SCAMP1: variants seen among roughly 807,000 people sequenced by gnomAD.
SCAMP1 encodes secretory carrier-associated membrane protein 1.
SCAMP1 carries 15 observed loss-of-function variants against 41.8 expected under a neutral mutation model. That is an observed-to-expected ratio of 0.36 (90% confidence interval 0.24 to 0.55). The LOEUF (loss-of-function observed/expected upper bound fraction) is 0.55, where lower values mean the gene tolerates loss of function less well. Ranked by LOEUF, SCAMP1 falls within the 20% of genes least tolerant of loss-of-function variation. The pLI is 0.86. For synonymous variants in SCAMP1, 135 were observed against 136.8 expected, an observed-to-expected ratio of 0.99 and a Z score of 0.09; for missense variants, 341 against 412.6, an observed-to-expected ratio of 0.83 and a Z score of 1.50.
intron 8 of SCAMP1, among the ~76,000 whole-genome samples, chr5:78,461,935 C>G (rs549709787): frequency 6.6e-6 from 1 of 152,248 alleles, no homozygotes; most frequent in South Asian, 2.1e-4. Flanking sequence ...TATTCAGACT[C>G]TTTTTGGTTC....
chr5:78,397,858 ATT>A (rs1162985541), intron 2 of SCAMP1, among the ~76,000 whole-genome samples: 1 of 152,218 alleles, frequency 6.6e-6, no homozygotes, highest in Non-Finnish European at 1.5e-5. Context: ...AATGTTCAAC[ATT>A]GTTAGCTGTC....
rs764180379 is a variant in SCAMP1, at chr5:78,478,883, C to T, written c.*3215C>T. The T allele has an allele frequency of 6.6e-6, 1 of 151,978 alleles. No homozygotes were observed. The highest frequency in any genetic ancestry group is 1.5e-5 in the Non-Finnish European group (1 of 67,940). 9.4% of individuals were successfully genotyped at this position (151,978 alleles called of 1,614,324 possible). On this transcript the variant is annotated 3_prime_UTR_variant, in exon 9 of 9. Coordinates refer to ENST00000621999, the MANE Select transcript of SCAMP1 (RefSeq NM_004866.6). ...AAAAAGCAAGTTTGGATTTTTACAC[C>T]TAATTTACTAGGAAAATATTTTATT...
chr5:78,393,616 T>TG (rs1326970662), intron 2 of SCAMP1, among the ~76,000 whole-genome samples: 1 of 152,218 alleles, frequency 6.6e-6, no homozygotes, highest in Non-Finnish European at 1.5e-5. Context: ...TAGTCTGAAT[T>TG]GAGATGTACT....
intron 6 of SCAMP1, among the ~76,000 whole-genome samples, chr5:78,446,093 TAAAAC>T (rs1235455380): frequency 1.3e-5 from 2 of 152,240 alleles, no homozygotes; most frequent in Non-Finnish European, 2.9e-5. Context: ...TTATTTAAAA[TAAAAC>T]TAGACAAAAG....
At chr5:78,452,190 T>C (rs538873963) in intron 7 of SCAMP1, among the ~76,000 whole-genome samples, 1 of 152,116 alleles carries the variant, frequency 6.6e-6, no homozygotes, top group Non-Finnish European at 1.5e-5. Flanking sequence ...CTTTTCTTTT[T>C]TTTTTTATTA....
chr5:78,480,560 C>G lies in SCAMP1; in HGVS notation c.*4892C>G, dbSNP rs554510398. Among the ~76,000 whole-genome samples the G allele has an allele frequency of 6.6e-6, 1 of 152,288 alleles. No individual in the cohort carries two copies. Among genetic ancestry groups the G allele is most frequent in the Non-Finnish European group, 1.5e-5 (1 of 68,028 alleles). ...AACACCAAAAATCAGTGTCTTTTAT[C>G]TGGTGATCACTGTGGTATCTACAGT... is the stretch of plus-strand genomic sequence containing the variant. On this transcript the variant is annotated 3_prime_UTR_variant, in exon 9 of 9. Coordinates refer to ENST00000621999, the MANE Select transcript of SCAMP1 (RefSeq NM_004866.6).
intron 6 of SCAMP1, among the ~76,000 whole-genome samples, chr5:78,427,543 A>G (rs1483203334): frequency 3.9e-5 from 6 of 152,188 alleles, no homozygotes; most frequent in African/African-American, 7.2e-5. Flanking sequence ...TACCATAACA[A>G]TATTCCTAGG....
In SCAMP1 at chr5:78,360,649, G is replaced by A. The variant is rs766355895; in HGVS notation, c.-23G>A. 4 of 1,601,818 alleles carry A rather than the reference G, an allele frequency of 2.5e-6. No individual in the cohort carries two copies. The highest frequency in any genetic ancestry group is 2.6e-6 in the Non-Finnish European group (3 of 1,174,814). ...CTCTCTCTCTGCGCCTGGGTCGGGT[G>A]GGTGACGCCGAGAGCCAGAGAGATG... On this transcript the variant is annotated 5_prime_UTR_variant, in exon 1 of 9. Transcript: ENST00000621999.
intron 2 of SCAMP1, among the ~76,000 whole-genome samples, chr5:78,410,470 A>C (rs1752048093): frequency 6.6e-6 from 1 of 152,160 alleles, no homozygotes; most frequent in South Asian, 2.1e-4. Flanking sequence ...TGCTAAGGAC[A>C]TGATCACATT....
chr5:78,438,658 T>C (rs1316533146), intron 6 of SCAMP1, among the ~76,000 whole-genome samples: 2 of 152,354 alleles, frequency 1.3e-5, no homozygotes, highest in Admixed American at 1.3e-4. Flanking sequence ...TTAGAATATG[T>C]GCAATGTAGT....
At chr5:78,440,346 C>G (rs1752887555) in intron 6 of SCAMP1, among the ~76,000 whole-genome samples, 4 of 152,308 alleles carry the variant, frequency 2.6e-5, no homozygotes, top group Admixed American at 2.0e-4. Context: ...GTGGTTTTAT[C>G]TACCTTTGGT....
chr5:78,408,825 C>T (rs1308822851), intron 2 of SCAMP1, among the ~76,000 whole-genome samples: 1 of 152,092 alleles, frequency 6.6e-6, no homozygotes, highest in African/African-American at 2.4e-5. Context: ...GTCTCAATCT[C>T]CTGGCCTTGA....
At chr5:78,380,149 A>G (rs569560859) in intron 1 of SCAMP1, among the ~76,000 whole-genome samples, 13 of 152,352 alleles carry the variant, frequency 8.5e-5, no homozygotes, top group African/African-American at 3.1e-4. Context: ...CAACTGCATA[A>G]TGATACTCAG....
At position 78,466,097 on chromosome 5, in the gene SCAMP1, A is replaced by G. The variant is rs143031947; in HGVS notation, c.852+6735A>G. Reference sequence around the variant, plus strand: ...TTGGAGAATTCCTTTATTATTTCACATGTATTATTGAGGGTGTTTTATAGA... The same window carrying G: ...TTGGAGAATTCCTTTATTATTTCACGTGTATTATTGAGGGTGTTTTATAGA... On this transcript the variant is annotated intron_variant, in intron 8 of 8. Coordinates refer to ENST00000621999, the MANE Select transcript of SCAMP1 (RefSeq NM_004866.6). 3.3e-4 allele frequency among the ~76,000 whole-genome samples: 50 copies of G among 152,330 alleles called. 1 individual carries two copies. In the East Asian group the frequency reaches 9.2e-3, roughly 28 times the overall value.
chr5:78,378,383 C>A (rs1340639725), intron 1 of SCAMP1, among the ~76,000 whole-genome samples: 1 of 152,136 alleles, frequency 6.6e-6, no homozygotes, highest in African/African-American at 2.4e-5. Context: ...CAGGTGAAAG[C>A]ACTGTCTCCC....
At chr5:78,453,235 G>A (rs1753289229) in intron 7 of SCAMP1, among the ~76,000 whole-genome samples, 1 of 151,328 alleles carries the variant, frequency 6.6e-6, no homozygotes, top group African/African-American at 2.4e-5. Flanking sequence ...ATTGCTTTTG[G>A]TGTTTTGGAC....
chr5:78,461,415 C>T (rs778546124), intron 8 of SCAMP1, among the ~76,000 whole-genome samples: 5 of 152,142 alleles, frequency 3.3e-5, no homozygotes, highest in Non-Finnish European at 7.4e-5. Flanking sequence ...TACCCAGCAC[C>T]ATTTATTGAA....
chr5:78,388,389 T>C (rs187527860), intron 1 of SCAMP1, among the ~76,000 whole-genome samples: 431 of 152,368 alleles, frequency 2.8e-3, no homozygotes, highest in Non-Finnish European at 4.2e-3. Context: ...TTACTTAATA[T>C]TGAATGCTCT....
chr5:78,434,627 A>T (rs976925048), intron 6 of SCAMP1, among the ~76,000 whole-genome samples: 8 of 152,072 alleles, frequency 5.3e-5, no homozygotes, highest in African/African-American at 1.4e-4. Flanking sequence ...AAGGTTTTTA[A>T]AAAATTTTTT....
Sources: gnomAD v4.1 joint callset for allele counts (sites outside exome capture counted in the v4.1 genomes callset) on GRCh38, gnomAD v4.1.1 for gene constraint, MANE v1.5 for transcripts, NCBI Gene and HGNC (gene_info 2026-07-23, HGNC 2026-07-21) for gene names.